SLC22A14: variants seen among roughly 807,000 people sequenced by gnomAD.
The protein encoded by SLC22A14 is organic cation transporter-like 4.
SLC22A14 carries 50 observed loss-of-function variants against 53.9 expected under a neutral mutation model. That is an observed-to-expected ratio of 0.93 (90% CI 0.74 to 1.17). The LOEUF is 1.17. SLC22A14 is among the 50% of genes most tolerant of loss of function. SLC22A14 has a pLI of 0.00. For synonymous variants in SLC22A14, 312 were observed against 303.0 expected, an observed-to-expected ratio of 1.03 and a Z score of -0.31; for missense variants, 671 against 734.7, an observed-to-expected ratio of 0.91 and a Z score of 1.00.
chr3:38,315,450 T>C lies in SLC22A14; in HGVS notation c.1379-108T>C. 2.5e-5 allele frequency: 29 copies of C among 1,167,104 alleles called. 1 individual carries two copies. In the South Asian group the frequency reaches 4.1e-4, roughly 16 times the overall value. 72.3% of individuals were successfully genotyped at this position (1,167,104 alleles called of 1,614,324 possible). ...ACAACCTGCCACTCCTCTGACAGAATGCCTGAGCCTGCTGGCCAGCTGGGC... is the reference window on the plus strand; with the variant it reads ...ACAACCTGCCACTCCTCTGACAGAACGCCTGAGCCTGCTGGCCAGCTGGGC... On this transcript the variant is annotated intron_variant, in intron 8 of 10. Coordinates refer to ENST00000448498, the MANE Select transcript of SLC22A14 (RefSeq NM_001320033.2).
At chr3:38,301,019 A>G (rs1704147711) in intron 1 of SLC22A14, among the ~76,000 whole-genome samples, 1 of 151,972 alleles carries the variant, frequency 6.6e-6, no homozygotes, top group Admixed American at 6.6e-5. Context: ...GGGTCTCGCT[A>G]TATTACCTAG....
intron 1 of SLC22A14, chr3:38,305,682 T>G: frequency 4.2e-6 from 1 of 239,990 alleles, no homozygotes; most frequent in Admixed American, 5.0e-5. Flanking sequence ...TCTCCTACCT[T>G]TTGCAAGACC....
intron 1 of SLC22A14, among the ~76,000 whole-genome samples, chr3:38,297,354 A>G (rs1704063660): frequency 6.6e-6 from 1 of 152,190 alleles, no homozygotes; most frequent in Admixed American, 6.5e-5. Context: ...ACAGTCTGGG[A>G]AAGTTCCTCA....
chr3:38,300,294 G>A (rs1339809193), intron 1 of SLC22A14, among the ~76,000 whole-genome samples: 1 of 152,150 alleles, frequency 6.6e-6, no homozygotes, highest in Non-Finnish European at 1.5e-5. Flanking sequence ...ACAAAAATTA[G>A]CCGGATGTGG....
At chr3:38,316,553 C>G (rs1304887123) in intron 10 of SLC22A14, 29 bp downstream of exon 10, 1 of 1,598,242 alleles carries the variant, frequency 6.3e-7, no homozygotes, top group Admixed American at 1.7e-5. Flanking sequence ...TGGGCTGTGC[C>G]AGCACGGGGC....
chr3:38,312,277 T>TG (rs1704488659), intron 5 of SLC22A14, among the ~76,000 whole-genome samples: 1 of 152,066 alleles, frequency 6.6e-6, no homozygotes, highest in Non-Finnish European at 1.5e-5. Context: ...GGGAGTAAAA[T>TG]GGGGATAATC....
At chr3:38,305,886 G>A in intron 1 of SLC22A14, 141 bp from the exon 2 acceptor site, 1 of 763,920 alleles carries the variant, frequency 1.3e-6, no homozygotes, top group East Asian at 2.5e-5. Flanking sequence ...AAGCAAGGGA[G>A]GGAACTACTG....
At chr3:38,311,923 A>G (rs1199314397) in intron 5 of SLC22A14, among the ~76,000 whole-genome samples, 1 of 152,112 alleles carries the variant, frequency 6.6e-6, no homozygotes, top group Non-Finnish European at 1.5e-5. Flanking sequence ...TTTTCAGTGG[A>G]CATGAGGCCA....
In SLC22A14 at chr3:38,307,878, G is replaced by C; in HGVS notation, c.775+158G>C. 1 of 749,284 alleles carries C rather than the reference G, an allele frequency of 1.3e-6. No individual in the cohort carries two copies. The highest frequency in any genetic ancestry group is 2.2e-6 in the Non-Finnish European group (1 of 457,754). The allele number at this position is 749,284 out of a possible 1,614,324, so 46.4% of individuals were successfully genotyped here. A position where few individuals can be genotyped will look rare whatever the true frequency, so the allele number is the denominator to read the frequency against. Reference sequence around the variant, plus strand: ...GAGGGCATGGCGGGGGTGTGGCAGCGTGGGCATCTGCTGGGATCCCACAGG... The same window carrying C: ...GAGGGCATGGCGGGGGTGTGGCAGCCTGGGCATCTGCTGGGATCCCACAGG... On this transcript the variant is annotated intron_variant, in intron 4 of 10. Coordinates refer to ENST00000448498, the MANE Select transcript of SLC22A14 (RefSeq NM_001320033.2). The surrounding 1 kb of genome is among the most constrained non-coding windows in gnomAD (Gnocchi z 4.4).
chr3:38,310,258 G>A (rs1289259721), intron 5 of SLC22A14, among the ~76,000 whole-genome samples: 1 of 151,968 alleles, frequency 6.6e-6, no homozygotes, highest in Admixed American at 6.6e-5. Flanking sequence ...CACACTTGTA[G>A]TCCCAGCTAC....
At chr3:38,295,209 T>C (rs1704002986) in intron 1 of SLC22A14, among the ~76,000 whole-genome samples, 1 of 152,246 alleles carries the variant, frequency 6.6e-6, no homozygotes, top group Non-Finnish European at 1.5e-5. Flanking sequence ...AAATCCCCTG[T>C]TAGGAAATCT....
chr3:38,315,920 C>T (rs1377928670), intron 9 of SLC22A14, among the ~76,000 whole-genome samples: 14 of 152,242 alleles, frequency 9.2e-5, no homozygotes, highest in Admixed American at 8.5e-4. Flanking sequence ...CAGATAAAGG[C>T]ACTCGATTAA....
intron 1 of SLC22A14, among the ~76,000 whole-genome samples, chr3:38,302,414 C>T (rs1055040067): frequency 1.3e-5 from 2 of 150,514 alleles, no homozygotes; most frequent in Admixed American, 1.3e-4. Context: ...TGCATGGTGG[C>T]AGATTGCCAA....
intron 1 of SLC22A14, among the ~76,000 whole-genome samples, chr3:38,291,533 A>G (rs865846573): frequency 1.3e-5 from 2 of 152,226 alleles, no homozygotes; most frequent in Admixed American, 6.5e-5. Context: ...TCTTCCCTGT[A>G]TTATTTTAAC....
At chr3:38,291,404 G>T (rs193188068) in intron 1 of SLC22A14, among the ~76,000 whole-genome samples, 1 of 152,196 alleles carries the variant, frequency 6.6e-6, no homozygotes, top group Middle Eastern at 3.2e-3. Flanking sequence ...GCACAGTTGC[G>T]GCACTGGCCC....
At chr3:38,316,957 G>A (rs1704640122) in intron 10 of SLC22A14, among the ~76,000 whole-genome samples, 1 of 152,216 alleles carries the variant, frequency 6.6e-6, no homozygotes, top group African/African-American at 2.4e-5. Flanking sequence ...CAGTCTTGAT[G>A]AAGGACTCTG....
intron 5 of SLC22A14, among the ~76,000 whole-genome samples, chr3:38,311,033 G>T (rs555635933): frequency 1.3e-5 from 2 of 152,226 alleles, no homozygotes; most frequent in Non-Finnish European, 2.9e-5. Context: ...GTTCCAGCCA[G>T]AGTGGGATGG....
intron 10 of SLC22A14, 88 bp downstream of exon 10, chr3:38,316,612 C>G (rs1704629874): frequency 5.1e-6 from 6 of 1,187,034 alleles, no homozygotes; most frequent in Non-Finnish European, 7.2e-6. Context: ...TTGTCCATCC[C>G]CGCCCCTCTG....
Position 38,307,163 on chromosome 3 carries a change from C to T in SLC22A14, c.517-91C>T. ...CTGTTAACTGCCCCTACCCCAGGTC[C>T]CCTTGGCCTATAGGTCCCACGCTGG... is the stretch of plus-strand genomic sequence containing the variant. On this transcript the variant is annotated intron_variant, in intron 2 of 10. Transcript: ENST00000448498. The surrounding 1 kb of genome is among the most constrained non-coding windows in gnomAD (Gnocchi z 4.4). The T allele has an allele frequency of 2.3e-6, 2 of 871,542 alleles. No individual in the cohort carries two copies. Among genetic ancestry groups the T allele is most frequent in the South Asian group, 1.3e-5 (1 of 75,880 alleles). 54.0% of individuals were successfully genotyped at this position (871,542 alleles called of 1,614,324 possible).
Sources: allele counts gnomAD v4.1 joint callset (sites outside exome capture counted in the v4.1 genomes callset), GRCh38; gene constraint gnomAD v4.1.1; non-coding constraint Gnocchi (gnomAD v3.1); transcripts MANE v1.5; gene names NCBI Gene and HGNC (gene_info 2026-07-23, HGNC 2026-07-21).